MUC5B: variants seen among roughly 807,000 people sequenced by gnomAD.
MUC5B encodes the protein mucin 5B, oligomeric mucus/gel-forming, also known as mucin-5B.
MUC5B carries 116 observed loss-of-function variants against 376.9 expected under a neutral mutation model. That is an observed-to-expected ratio of 0.31 (90% CI 0.26 to 0.36). MUC5B has a LOEUF of 0.36. Ranked by LOEUF, MUC5B falls within the 10% of genes least tolerant of loss-of-function variation. The probability of loss-of-function intolerance (pLI) is 1.00; values close to 1 mark genes in which losing one functional copy is unlikely to be tolerated. For synonymous variants in MUC5B, 3,517 were observed against 3,390.9 expected (o/e 1.04, Z -1.29); for missense variants, 7,165 against 7,769.9 (o/e 0.92, Z 2.93).
intron 11 of MUC5B, 141 bp downstream of exon 11, chr11:1,230,284 T>A: frequency 7.7e-7 from 1 of 1,304,184 alleles, no homozygotes; most frequent in Non-Finnish European, 1.0e-6. Context: ...CCCATGATGG[T>A]CATAGAGGGA....
intron 11 of MUC5B, 89 bp from the exon 12 acceptor site, chr11:1,230,401 T>C: frequency 7.7e-7 from 1 of 1,292,104 alleles, no homozygotes; most frequent in Non-Finnish European, 1.1e-6. Context: ...CAGAGCCACA[T>C]CCCCCACATG....
At position 1,229,215 on chromosome 11, in the gene MUC5B, C is replaced by T. The variant is rs1423825625; in HGVS notation, c.1022C>T (p.Pro341Leu). 2 of 1,600,426 alleles carry T rather than the reference C, an allele frequency of 1.2e-6. No individual in the cohort carries two copies. Among genetic ancestry groups the T allele is most frequent in the Admixed American group, 3.4e-5 (2 of 59,320 alleles). ...ATGCAGCACCAGGAGTGTGGCTCAC[C>T]CTGCACGGACACCTGCTCCAACCCC... ...LNMQHQECGSPCTDTCSNPQR... is the reference protein window; with the variant it reads ...LNMQHQECGSLCTDTCSNPQR... The change falls in exon 9 of 49, where the codon CCC (proline) becomes CTC (leucine). Residue 341 changes from proline (P) to leucine (L), a missense_variant. By Grantham distance (98) the Pro-to-Leu change is moderately conservative. Transcript: ENST00000529681.
Position 1,232,763 on chromosome 11 carries a change from C to G in MUC5B, c.2058C>G (p.Gly686=). 1.3e-6 allele frequency: 2 copies of G among 1,592,032 alleles called. No homozygotes were observed. Among genetic ancestry groups the G allele is most frequent in the South Asian group, 2.2e-5 (2 of 89,154 alleles). ...TACAGCTCAGCGACTGGAGGGACGG[C>G]GTCTGCAGTGAGTGCCCACGCTGGG... ...KGVQLSDWRD[G]VCTKYMQNCP... Residue 686 remains glycine (G), a synonymous_variant, in exon 17 of 49, where the codon GGC becomes GGG. Coordinates refer to ENST00000529681, the MANE Select transcript of MUC5B (RefSeq NM_002458.3).
At chr11:1,260,931 C>T (rs55755337) in intron 48 of MUC5B, among the ~76,000 whole-genome samples, 75 of 152,324 alleles carry the variant, frequency 4.9e-4, no homozygotes, top group African/African-American at 1.7e-3. Context: ...GGCCAGGGCC[C>T]GGCTGAGCCG....
chr11:1,252,595 A>G, intron 32 of MUC5B, 71 bp downstream of exon 32: 1 of 1,430,568 alleles, frequency 7.0e-7, no homozygotes, highest in East Asian at 2.5e-5. Context: ...GCACAGCCAC[A>G]GTCCAGCTCC....
intron 23 of MUC5B, among the ~76,000 whole-genome samples, chr11:1,236,020 C>T (rs970116637): frequency 4.6e-5 from 7 of 152,214 alleles, no homozygotes; most frequent in African/African-American, 9.6e-5. Flanking sequence ...CGCCGCTGGC[C>T]GGGATGCTCC....
chr11:1,223,812 A>G (rs1861814270), intron 1 of MUC5B, among the ~76,000 whole-genome samples: 1 of 152,224 alleles, frequency 6.6e-6, no homozygotes, highest in South Asian at 2.1e-4. Context: ...CCAGAGCCGC[A>G]GCATTAATAC....
In MUC5B at chr11:1,225,596, C is replaced by G. The variant is rs961799690; in HGVS notation, c.71-85C>G. ...AGGACCCCACATGCGGCTGCCGCAC[C>G]AGGGATGTGGCCAGGTCCGTGGTTG... On this transcript the variant is annotated intron_variant, in intron 1 of 48. Transcript: ENST00000529681. The G allele has an allele frequency of 2.4e-6, 3 of 1,274,046 alleles. No homozygotes were observed. In the African/African-American group the frequency reaches 4.5e-5, roughly 19 times the overall value. The allele number at this position is 1,274,046 out of a possible 1,614,324, so 78.9% of individuals were successfully genotyped here. A position where few individuals can be genotyped will look rare whatever the true frequency, so the allele number is the denominator to read the frequency against.
intron 4 of MUC5B, 57 bp from the exon 5 acceptor site, chr11:1,226,974 G>T: frequency 6.4e-7 from 1 of 1,564,440 alleles, no homozygotes; most frequent in Non-Finnish European, 8.7e-7. Context: ...GGGGGGGGTT[G>T]GGTGGGCAGG....
rs776941665 is a variant in MUC5B, at chr11:1,258,472, G to A, written c.16593+105G>A. On this transcript the variant is annotated intron_variant, in intron 43 of 48. Coordinates refer to ENST00000529681, the MANE Select transcript of MUC5B (RefSeq NM_002458.3). This position sits in a 1 kb window ranked among gnomAD's most constrained non-coding sequence, Gnocchi z 5.5. ...CTCCTTGTCTTGACATTCCTGCCCTGAGGGCCGATCCGCACAGGGGCCCTG... is the reference window on the plus strand; with the variant it reads ...CTCCTTGTCTTGACATTCCTGCCCTAAGGGCCGATCCGCACAGGGGCCCTG... 5 of 1,383,738 alleles carry A rather than the reference G, an allele frequency of 3.6e-6. No individual in the cohort carries two copies. Among genetic ancestry groups the A allele is most frequent in the East Asian group, 2.4e-5 (1 of 41,340 alleles). 85.7% of individuals were successfully genotyped at this position (1,383,738 alleles called of 1,614,324 possible). A position where few individuals can be genotyped will look rare whatever the true frequency, so the allele number is the denominator to read the frequency against.
chr11:1,246,696 G>C lies in MUC5B; in HGVS notation c.9816G>C (p.Glu3272Asp), dbSNP rs1461034252. 1.9e-6 allele frequency: 3 copies of C among 1,609,092 alleles called. No homozygotes were observed. The highest frequency in any genetic ancestry group is 2.5e-6 in the Non-Finnish European group (3 of 1,177,218). ...MSTATPSSTP[E>D]TVHTSTVLTT... ...CAGCCACACCCTCCTCTACTCCAGA[G>C]ACTGTCCACACCTCCACAGTGCTTA... Residue 3272 changes from glutamate (E) to aspartate (D), a missense_variant, in exon 31 of 49, where the codon GAG (glutamate) becomes GAC (aspartate). Transcript: ENST00000529681.
At chr11:1,255,300 G>A in intron 36 of MUC5B, 34 bp downstream of exon 36, 1 of 1,508,314 alleles carries the variant, frequency 6.6e-7, no homozygotes, top group South Asian at 1.3e-5. Flanking sequence ...CAGGCCCTGG[G>A]GCGCCCCCGC....
rs536666461 is a variant in MUC5B, at chr11:1,251,099, G to A, written c.14219G>A (p.Ser4740Asn). 6 of 1,610,692 alleles carry A rather than the reference G, an allele frequency of 3.7e-6. No homozygotes were observed. In the East Asian group the frequency reaches 8.9e-5, roughly 24 times the overall value. ...GCAACCACCCTTCCAGTGCTGACAA[G>A]CACAGCCACAAAATCCACAGCTACC... Reference protein sequence around the residue: ...RTATTLPVLTSTATKSTATSF... With the variant: ...RTATTLPVLTNTATKSTATSF... The change falls in exon 31 of 49, where the codon AGC becomes AAC. Residue 4740 changes from serine (S) to asparagine (N), a missense_variant. Transcript: ENST00000529681.
At position 1,247,100 on chromosome 11, in the gene MUC5B, C is replaced by T. The variant is rs1862502096; in HGVS notation, c.10220C>T (p.Ser3407Phe). The change falls in exon 31 of 49, where the codon TCC (serine) becomes TTC (phenylalanine). Residue 3407 changes from serine (S) to phenylalanine (F), a missense_variant. By Grantham distance (155) the Ser-to-Phe change is radical. Transcript: ENST00000529681. ...GCCACCGGCTCCACCACCAACCCCTCCTCAACTCCAGGGACAACTCCCATC... is the reference window on the plus strand; with the variant it reads ...GCCACCGGCTCCACCACCAACCCCTTCTCAACTCCAGGGACAACTCCCATC... ...ITATGSTTNP[S>F]STPGTTPIPP... 1.3e-6 allele frequency: 2 copies of T among 1,564,226 alleles called. No individual in the cohort carries two copies. The highest frequency in any genetic ancestry group is 1.4e-5 in the African/African-American group (1 of 73,050).
intron 1 of MUC5B, 111 bp downstream of exon 1, chr11:1,223,304 G>A (rs1185846603): frequency 1.1e-5 from 8 of 695,788 alleles, no homozygotes; most frequent in East Asian, 8.1e-5. Context: ...ATCCCCCTAC[G>A]ACTCCCTGAG....
At position 1,251,215 on chromosome 11, in the gene MUC5B, C is replaced by T. The variant is rs1260982566; in HGVS notation, c.14335C>T (p.His4779Tyr). The change falls in exon 31 of 49, where the codon CAC becomes TAC. Residue 4779 changes from histidine (H) to tyrosine (Y), a missense_variant. His to Tyr is a moderately conservative substitution (Grantham distance 83, BLOSUM62 2). Around this residue, in one of 31 missense-constraint regions of MUC5B, gnomAD observed 730 missense variants for 592.7 expected, o/e 1.23. Transcript: ENST00000529681. ...ACCCATGTCCACCATGTCCACAATC[C>T]ACACCTCCTCTACTCCAGAGACCAC... ...TTPMSTMSTIHTSSTPETTHT... is the reference protein window; with the variant it reads ...TTPMSTMSTIYTSSTPETTHT... The T allele has an allele frequency of 6.2e-7, 1 of 1,610,902 alleles. No homozygotes were observed. Among genetic ancestry groups the T allele is most frequent in the Non-Finnish European group, 8.5e-7 (1 of 1,178,108 alleles).
intron 1 of MUC5B, among the ~76,000 whole-genome samples, chr11:1,224,032 C>T (rs570974345): frequency 2.8e-4 from 42 of 152,352 alleles, no homozygotes; most frequent in African/African-American, 9.9e-4. Context: ...AGGGGGCTTC[C>T]CCCAGTGGCT....
At chr11:1,232,422 T>C (rs1862048265) in intron 15 of MUC5B, 28 bp from the exon 16 acceptor site, 4 of 1,576,258 alleles carry the variant, frequency 2.5e-6, no homozygotes, top group Non-Finnish European at 2.6e-6. Context: ...GGGCAGGGCG[T>C]GGAGATGAGG....
chr11:1,233,600 CCT>C (rs1221573252), intron 18 of MUC5B, among the ~76,000 whole-genome samples, 191 bp from the exon 19 acceptor site: 2 of 152,126 alleles, frequency 1.3e-5, no homozygotes, highest in African/African-American at 4.8e-5. Flanking sequence ...TTGCTGCCCC[CCT>C]GTGTGTATTT....
Sources: gnomAD v4.1 joint callset for allele counts (sites outside exome capture counted in the v4.1 genomes callset) on GRCh38, gnomAD v4.1.1 for gene constraint, gnomAD v4.1.1 regional missense constraint, Gnocchi (gnomAD v3.1) non-coding constraint, MANE v1.5 for transcripts, NCBI Gene and HGNC (gene_info 2026-07-23, HGNC 2026-07-21) for gene names.